CSE1L: variants seen among roughly 807,000 people sequenced by gnomAD.
CSE1L encodes chromosome segregation 1 like, also known as exportin-2.
In CSE1L, 24 loss-of-function variants were observed where a neutral mutation model predicts 120.4. That is an observed-to-expected ratio of 0.20 (90% CI 0.14 to 0.28). The LOEUF is 0.28. CSE1L is among the 10% of genes least tolerant of loss of function. CSE1L has a pLI of 1.00. For missense variants in CSE1L, 830 were observed against 1,145.2 expected (o/e 0.72, Z 3.97); for synonymous variants, 402 against 398.3 (o/e 1.01, Z -0.11).
intron 1 of CSE1L, among the ~76,000 whole-genome samples, chr20:49,058,010 G>C (rs2091822606): frequency 6.6e-6 from 1 of 151,698 alleles, no homozygotes; most frequent in Non-Finnish European, 1.5e-5. Flanking sequence ...AGCTCAAGCA[G>C]TCCACCCACC....
At chr20:49,053,439 A>G (rs985876667) in intron 1 of CSE1L, among the ~76,000 whole-genome samples, 3 of 136,104 alleles carry the variant, frequency 2.2e-5, no homozygotes, top group African/African-American at 8.5e-5. Context: ...CCTCATTGCA[A>G]CCTTTGCCTC....
chr20:49,068,328 C>T (rs2091908854), intron 6 of CSE1L, among the ~76,000 whole-genome samples: 1 of 152,146 alleles, frequency 6.6e-6, no homozygotes, highest in Admixed American at 6.5e-5. Flanking sequence ...GTGGCTCACG[C>T]CTGTAATCCC....
At chr20:49,047,559 CTTTTCTTTTTTTTT>C (rs2091726566) in intron 1 of CSE1L, among the ~76,000 whole-genome samples, 1 of 61,088 alleles carries the variant, frequency 1.6e-5, no homozygotes, top group African/African-American at 6.7e-5. Context: ...TTTCTTTTCT[CTTTTCTTTTTTTTT>C]TTTTTTTTTT....
chr20:49,046,500 A>T (rs2091711441), intron 1 of CSE1L, 77 bp downstream of exon 1: 1 of 152,384 alleles, frequency 6.6e-6, no homozygotes, highest in Non-Finnish European at 1.5e-5. Flanking sequence ...CGCTCCCGGT[A>T]CTAACGAGCG....
chr20:49,053,389 T>C (rs2123651221), intron 1 of CSE1L, among the ~76,000 whole-genome samples: 1 of 140,548 alleles, frequency 7.1e-6, no homozygotes, highest in South Asian at 2.4e-4. Context: ...ACTGCGTTTC[T>C]CTCTTGTTGC....
chr20:49,060,830 T>A (rs2091846853), intron 2 of CSE1L, among the ~76,000 whole-genome samples: 1 of 152,038 alleles, frequency 6.6e-6, no homozygotes, highest in African/African-American at 2.4e-5. Flanking sequence ...GGGCCAGATA[T>A]ATCTTGTGAG....
chr20:49,090,466 G>A (rs977811761), intron 19 of CSE1L, among the ~76,000 whole-genome samples: 1 of 152,166 alleles, frequency 6.6e-6, no homozygotes, highest in Non-Finnish European at 1.5e-5. Context: ...TGAGGCAGGA[G>A]AATCGCTTGA....
rs775583081 is a variant in CSE1L, at chr20:49,067,242, C to A, written c.529C>A (p.Leu177Met). 1 of 1,611,496 alleles carries A rather than the reference C, an allele frequency of 6.2e-7. No individual in the cohort carries two copies. Among genetic ancestry groups the A allele is most frequent in the Non-Finnish European group, 8.5e-7 (1 of 1,178,466 alleles). The change falls in exon 6 of 25, where the codon CTG becomes ATG. Residue 177 changes from leucine to methionine, a missense_variant. Leu to Met is a conservative substitution (Grantham distance 15). Coordinates refer to ENST00000262982, the MANE Select transcript of CSE1L (RefSeq NM_001316.4). ...GTTATGGACTGAAATTAAGCTTGTT[C>A]TGGATGCCTTTGCTTTGCCTTTGAC... ...NELWTEIKLV[L>M]DAFALPLTNL...
intron 9 of CSE1L, 45 bp from the exon 10 acceptor site, chr20:49,072,523 G>A (rs2091940442): frequency 6.2e-7 from 1 of 1,604,090 alleles, no homozygotes; most frequent in African/African-American, 1.3e-5. Flanking sequence ...ATAAGCTGTT[G>A]AGTTTTGCTT....
chr20:49,061,167 ATTTTTTTTTT>A (rs3092068), intron 2 of CSE1L, among the ~76,000 whole-genome samples: 1 of 116,304 alleles, frequency 8.6e-6, no homozygotes, highest in Non-Finnish European at 1.7e-5. Context: ...ACTATTAAAA[ATTTTTTTTTT>A]TTTTTTTTTT....
chr20:49,062,542 GT>G (rs923176727), intron 2 of CSE1L, among the ~76,000 whole-genome samples: 1 of 151,030 alleles, frequency 6.6e-6, no homozygotes, highest in Non-Finnish European at 1.5e-5. Flanking sequence ...AAGTTTTTAG[GT>G]TTTTTTTTAG....
At chr20:49,075,078 A>C (rs1023648706) in intron 11 of CSE1L, among the ~76,000 whole-genome samples, 1 of 151,848 alleles carries the variant, frequency 6.6e-6, no homozygotes, top group Non-Finnish European at 1.5e-5. Flanking sequence ...ATTTATCAAA[A>C]TTCTGTGATT....
intron 3 of CSE1L, among the ~76,000 whole-genome samples, chr20:49,064,769 C>T (rs2091878161): frequency 6.6e-6 from 1 of 151,082 alleles, no homozygotes; most frequent in South Asian, 2.1e-4. Flanking sequence ...CAGCCCTCTC[C>T]CTCTATTTTG....
rs149873330 is a variant in CSE1L, at chr20:49,084,080, G to A, written c.1537G>A (p.Ala513Thr). 47 of 1,613,912 alleles carry A rather than the reference G, an allele frequency of 2.9e-5. No homozygotes were observed. The highest frequency in any genetic ancestry group is 3.6e-5 in the Non-Finnish European group (43 of 1,179,960). Reference sequence around the variant, plus strand: ...TCCTCTCTTGATTAATCATCTTCAAGCTGAAAGTATTGTTGTTCATACTTA... The same window carrying A: ...TCCTCTCTTGATTAATCATCTTCAAACTGAAAGTATTGTTGTTCATACTTA... The part of the protein sequence containing the change: ...SIPLLINHLQ[A>T]ESIVVHTYAA... Residue 513 changes from alanine (A) to threonine (T), a missense_variant, in exon 15 of 25, where the codon GCT (alanine) becomes ACT (threonine). By Grantham distance (58) the Ala-to-Thr change is moderately conservative. Transcript: ENST00000262982.
chr20:49,059,706 C>G (rs1194569288), intron 2 of CSE1L, among the ~76,000 whole-genome samples: 4 of 151,768 alleles, frequency 2.6e-5, no homozygotes, highest in African/African-American at 9.7e-5. Context: ...GGTGAAACCC[C>G]TTCTCTACTA....
At chr20:49,086,840 C>T (rs2092062341) in intron 16 of CSE1L, among the ~76,000 whole-genome samples, 1 of 152,132 alleles carries the variant, frequency 6.6e-6, no homozygotes, top group Admixed American at 6.5e-5. Context: ...GCCCTTTTAA[C>T]CCAGGTCAGG....
chr20:49,049,309 G>A (rs542856575), intron 1 of CSE1L, among the ~76,000 whole-genome samples: 2 of 151,432 alleles, frequency 1.3e-5, no homozygotes, highest in South Asian at 2.1e-4. Context: ...TCAGCCTCCC[G>A]AGTAGCTAGG....
chr20:49,051,168 G>C (rs1349736405), intron 1 of CSE1L, among the ~76,000 whole-genome samples: 1 of 152,188 alleles, frequency 6.6e-6, no homozygotes, highest in African/African-American at 2.4e-5. Context: ...AGTAGAGTAA[G>C]GGCATGGAGA....
chr20:49,054,014 T>C (rs985122195), intron 1 of CSE1L, among the ~76,000 whole-genome samples: 3 of 152,226 alleles, frequency 2.0e-5, no homozygotes, highest in African/African-American at 7.2e-5. Flanking sequence ...TGCTTTGTAT[T>C]GTGAATCTCC....
Sources: allele counts gnomAD v4.1 joint callset (sites outside exome capture counted in the v4.1 genomes callset), GRCh38; gene constraint gnomAD v4.1.1; transcripts MANE v1.5; gene names NCBI Gene and HGNC (gene_info 2026-07-23, HGNC 2026-07-21).